KCNIP1: variants seen among roughly 807,000 people sequenced by gnomAD.
KCNIP1 encodes potassium voltage-gated channel interacting protein 1.
In KCNIP1, 18 loss-of-function variants were observed where a neutral mutation model predicts 33.0. The ratio of observed to expected loss-of-function variants is 0.55; its 90% CI spans 0.38 to 0.81. The LOEUF (loss-of-function observed/expected upper bound fraction) is 0.81, where lower values mean the gene tolerates loss of function less well. KCNIP1 is among the 30% of genes least tolerant of loss of function. KCNIP1 has a pLI of 0.00. For synonymous variants in KCNIP1, 93 were observed against 98.3 expected (o/e 0.95, Z 0.32); for missense variants, 238 against 271.6 (o/e 0.88, Z 0.87).
chr5:170,394,436 G>T (rs952557098), intron 1 of KCNIP1, among the ~76,000 whole-genome samples: 1 of 152,092 alleles, frequency 6.6e-6, no homozygotes, highest in Admixed American at 6.5e-5. Flanking sequence ...AATAAACAAA[G>T]ATCTTGCGGT....
chr5:170,424,194 T>A (rs1755563233), intron 1 of KCNIP1, among the ~76,000 whole-genome samples: 1 of 152,094 alleles, frequency 6.6e-6, no homozygotes, highest in Non-Finnish European at 1.5e-5. Context: ...AAGTGCGGGG[T>A]AGCAGGAGAC....
At chr5:170,712,662 C>T (rs1763493065) in intron 1 of KCNIP1, among the ~76,000 whole-genome samples, 1 of 152,268 alleles carries the variant, frequency 6.6e-6, no homozygotes, top group Non-Finnish European at 1.5e-5. Flanking sequence ...AGGCAACCCA[C>T]TGCTCTTGCC....
At chr5:170,419,729 G>A (rs1755429928) in intron 1 of KCNIP1, among the ~76,000 whole-genome samples, 1 of 152,228 alleles carries the variant, frequency 6.6e-6, no homozygotes, top group African/African-American at 2.4e-5. Context: ...TGAAGAAGGT[G>A]CTGTTAATAA....
At chr5:170,598,942 T>TGTG (rs1758581504) in intron 1 of KCNIP1, among the ~76,000 whole-genome samples, 1 of 146,372 alleles carries the variant, frequency 6.8e-6, no homozygotes, top group South Asian at 2.2e-4. Flanking sequence ...TGTGTGTGTG[T>TGTG]TTGGTGGGGT....
chr5:170,618,858 C>T (rs1235904178), intron 1 of KCNIP1, among the ~76,000 whole-genome samples: 1 of 152,162 alleles, frequency 6.6e-6, no homozygotes, highest in African/African-American at 2.4e-5. Flanking sequence ...CTTTCCTTCT[C>T]TTCTTTCCTT....
chr5:170,561,337 C>A (rs1029373498), intron 1 of KCNIP1, among the ~76,000 whole-genome samples: 2 of 152,184 alleles, frequency 1.3e-5, no homozygotes, highest in African/African-American at 4.8e-5. Flanking sequence ...CACACAGCAA[C>A]CGTGACTGAA....
chr5:170,395,211 A>T (rs1754728481), intron 1 of KCNIP1, among the ~76,000 whole-genome samples: 1 of 152,228 alleles, frequency 6.6e-6, no homozygotes, highest in Non-Finnish European at 1.5e-5. Flanking sequence ...TTATATTTCC[A>T]CCAACAGTGT....
intron 1 of KCNIP1, among the ~76,000 whole-genome samples, chr5:170,470,623 G>A (rs1756701888): frequency 6.6e-6 from 1 of 152,166 alleles, no homozygotes; most frequent in South Asian, 2.1e-4. Flanking sequence ...AGGGGGAGAG[G>A]TTACAGGCAA....
chr5:170,699,317 T>C (rs1178354916), intron 1 of KCNIP1, among the ~76,000 whole-genome samples: 1 of 152,128 alleles, frequency 6.6e-6, no homozygotes, highest in Non-Finnish European at 1.5e-5. Context: ...TTTTCTGTTT[T>C]ATAACCCTTG....
At chr5:170,513,982 G>A (rs939066195) in intron 1 of KCNIP1, among the ~76,000 whole-genome samples, 1 of 152,222 alleles carries the variant, frequency 6.6e-6, no homozygotes, top group African/African-American at 2.4e-5. Flanking sequence ...CGTAGATGCA[G>A]GGAGGTTCTT....
At chr5:170,688,468 G>A (rs979753665) in intron 1 of KCNIP1, among the ~76,000 whole-genome samples, 1 of 152,170 alleles carries the variant, frequency 6.6e-6, no homozygotes, top group Non-Finnish European at 1.5e-5. Context: ...AATGCTTTAT[G>A]GGAAAGTCAT....
At chr5:170,543,921 G>A (rs180692802) in intron 1 of KCNIP1, among the ~76,000 whole-genome samples, 28 of 152,234 alleles carry the variant, frequency 1.8e-4, no homozygotes, top group African/African-American at 6.0e-4. Context: ...CCAACAAGCC[G>A]AAGGAAACCA....
At chr5:170,690,582 A>T (rs1335858034) in intron 1 of KCNIP1, among the ~76,000 whole-genome samples, 1 of 152,194 alleles carries the variant, frequency 6.6e-6, no homozygotes, top group Non-Finnish European at 1.5e-5. Flanking sequence ...ATGGCAAGGG[A>T]TATGATAATT....
intron 1 of KCNIP1, among the ~76,000 whole-genome samples, chr5:170,581,153 C>T (rs570248253): frequency 1.3e-5 from 2 of 152,316 alleles, no homozygotes; most frequent in Admixed American, 6.5e-5. Context: ...GATCACTTCA[C>T]GTCCAACCCC....
chr5:170,482,940 T>C (rs1411409438), intron 1 of KCNIP1: 4 of 360,186 alleles, frequency 1.1e-5, no homozygotes, highest in Non-Finnish European at 1.6e-5. Flanking sequence ...ATCTGGTCTT[T>C]CAGTATTTCA....
At chr5:170,401,205 C>CAAA (rs1475645249) in intron 1 of KCNIP1, among the ~76,000 whole-genome samples, 2 of 152,232 alleles carry the variant, frequency 1.3e-5, no homozygotes, top group Admixed American at 1.3e-4. Context: ...CCAGGAGCTA[C>CAAA]TTCCTGTGGG....
At chr5:170,385,148 T>C (rs1010341250) in intron 1 of KCNIP1, among the ~76,000 whole-genome samples, 1 of 152,208 alleles carries the variant, frequency 6.6e-6, no homozygotes, top group African/African-American at 2.4e-5. Context: ...CAGTTCATCC[T>C]ACCTTCCCTG....
chr5:170,573,724 G>A (rs1456668249), intron 1 of KCNIP1, among the ~76,000 whole-genome samples: 2 of 152,204 alleles, frequency 1.3e-5, no homozygotes, highest in Non-Finnish European at 2.9e-5. Context: ...CATAAATAAA[G>A]TTGTATTGAG....
intron 1 of KCNIP1, among the ~76,000 whole-genome samples, chr5:170,480,382 C>CCCGA (rs111679980): frequency 6.6e-6 from 1 of 151,810 alleles, no homozygotes; most frequent in East Asian, 1.9e-4. Context: ...TTAAATGTGG[C>CCCGA]CTAAGAATAT....
Sources: allele counts gnomAD v4.1 joint callset (sites outside exome capture counted in the v4.1 genomes callset), GRCh38; gene constraint gnomAD v4.1.1; transcripts MANE v1.5; gene names NCBI Gene and HGNC (gene_info 2026-07-23, HGNC 2026-07-21).